The following STAC variants were observed in gnomAD, a reference collection of about 807,000 sequenced individuals.
STAC encodes the protein SH3 and cysteine rich domain.
In STAC, 43 loss-of-function variants were observed where a neutral mutation model predicts 48.8. The ratio of observed to expected loss-of-function variants is 0.88; its 90% CI spans 0.69 to 1.14. STAC has a LOEUF of 1.14. Among genes scored for constraint, STAC ranks in the 50% most tolerant of loss-of-function variants. The pLI is 0.00. For synonymous variants in STAC, 193 were observed against 179.5 expected (o/e 1.07, Z -0.60); for missense variants, 497 against 504.0 (o/e 0.99, Z 0.13).
intron 1 of STAC, among the ~76,000 whole-genome samples, chr3:36,397,286 C>T (rs1436431445): frequency 1.3e-5 from 2 of 152,134 alleles, no homozygotes; most frequent in East Asian, 1.9e-4. Context: ...CTGGTACTGA[C>T]TTATTTAATT....
At chr3:36,453,466 G>C (rs951095148) in intron 2 of STAC, among the ~76,000 whole-genome samples, 4 of 152,210 alleles carry the variant, frequency 2.6e-5, no homozygotes, top group Non-Finnish European at 5.9e-5. Context: ...CCGGCCCCGG[G>C]CAGTGAGGGT....
intron 1 of STAC, among the ~76,000 whole-genome samples, chr3:36,381,810 C>T (rs1339994998): frequency 2.0e-5 from 3 of 152,194 alleles, no homozygotes. Flanking sequence ...GTACATTTCC[C>T]AGCCCCCTGA....
chr3:36,389,051 A>C (rs1445827208), intron 1 of STAC, among the ~76,000 whole-genome samples: 1 of 152,178 alleles, frequency 6.6e-6, no homozygotes, highest in African/African-American at 2.4e-5. Flanking sequence ...AAATCTTTAC[A>C]ATTATGAGAT....
intron 10 of STAC, among the ~76,000 whole-genome samples, chr3:36,541,649 T>C (rs1699329716): frequency 6.6e-6 from 1 of 152,212 alleles, no homozygotes; most frequent in African/African-American, 2.4e-5. Context: ...GTCTAGGCTC[T>C]GGAGAATGAG....
intron 1 of STAC, among the ~76,000 whole-genome samples, chr3:36,420,753 TTAC>T (rs1174946401): frequency 2.6e-5 from 4 of 152,350 alleles, no homozygotes; most frequent in Admixed American, 6.5e-5. Context: ...TTGTGTTTTG[TTAC>T]TACAATTTTT....
At chr3:36,490,885 T>C (rs1250381740) in intron 5 of STAC, among the ~76,000 whole-genome samples, 1 of 152,206 alleles carries the variant, frequency 6.6e-6, no homozygotes, top group Non-Finnish European at 1.5e-5. Context: ...TTTCTGAATG[T>C]CAAAGGGATG....
intron 6 of STAC, among the ~76,000 whole-genome samples, chr3:36,494,151 C>CAAAA (rs751587518): frequency 5.6e-3 from 305 of 54,360 alleles, no homozygotes; most frequent in Non-Finnish European, 7.1e-3. Context: ...GACTCCGTCT[C>CAAAA]AAAAAAAAAA....
chr3:36,501,037 A>T (rs1294413105), intron 6 of STAC, among the ~76,000 whole-genome samples: 1 of 152,212 alleles, frequency 6.6e-6, no homozygotes. Context: ...GGCTGCAGTG[A>T]GCTATAATTG....
At chr3:36,500,333 A>C (rs2125710828) in intron 6 of STAC, among the ~76,000 whole-genome samples, 1 of 152,330 alleles carries the variant, frequency 6.6e-6, no homozygotes, top group Admixed American at 6.5e-5. Context: ...TCCTAAACAA[A>C]CCAATGCAGA....
At chr3:36,461,816 G>A (rs1697025176) in intron 2 of STAC, among the ~76,000 whole-genome samples, 2 of 152,276 alleles carry the variant, frequency 1.3e-5, no homozygotes, top group South Asian at 4.1e-4. Flanking sequence ...GCCAGTGTGG[G>A]TCTAAAACAG....
intron 1 of STAC, among the ~76,000 whole-genome samples, chr3:36,385,520 A>T (rs1182286345): frequency 6.6e-6 from 1 of 152,020 alleles, no homozygotes; most frequent in African/African-American, 2.4e-5. Flanking sequence ...TCAAAGTACA[A>T]CATCATCCCC....
intron 1 of STAC, chr3:36,409,589 C>T (rs1014393319): frequency 6.6e-6 from 1 of 152,168 alleles, no homozygotes; most frequent in South Asian, 2.1e-4. Context: ...GTTTAGTTGG[C>T]CTGTAGTGCT....
chr3:36,470,159 A>C (rs1030794796), intron 2 of STAC, among the ~76,000 whole-genome samples: 1 of 152,304 alleles, frequency 6.6e-6, no homozygotes, highest in Non-Finnish European at 1.5e-5. Context: ...TCATATTACC[A>C]GAATTGTTTT....
intron 1 of STAC, among the ~76,000 whole-genome samples, chr3:36,387,342 C>T (rs1027712481): frequency 6.6e-6 from 1 of 151,866 alleles, no homozygotes; most frequent in Non-Finnish European, 1.5e-5. Context: ...GTAAAGTTTA[C>T]CATTTTAACC....
At chr3:36,434,924 C>A (rs1700793534) in intron 1 of STAC, among the ~76,000 whole-genome samples, 1 of 152,136 alleles carries the variant, frequency 6.6e-6, no homozygotes, top group Admixed American at 6.5e-5. Flanking sequence ...CACCAGAAAA[C>A]AAAACACACT....
chr3:36,415,139 C>T (rs897474359), intron 1 of STAC, among the ~76,000 whole-genome samples: 3 of 152,228 alleles, frequency 2.0e-5, no homozygotes, highest in Non-Finnish European at 1.5e-5. Context: ...AGGAGGCAGT[C>T]TGTCGGTTCT....
chr3:36,515,283 T>C (rs1327029837), intron 8 of STAC, among the ~76,000 whole-genome samples: 2 of 152,112 alleles, frequency 1.3e-5, no homozygotes, highest in African/African-American at 2.4e-5. Context: ...ACTGAAGCTC[T>C]CACAGCTGAG....
In STAC at chr3:36,485,056, T is replaced by C. The variant is rs769350072; in HGVS notation, c.569T>C (p.Ile190Thr). 2.5e-6 allele frequency: 4 copies of C among 1,602,170 alleles called. No individual in the cohort carries two copies. In the Admixed American group the frequency reaches 5.2e-5, roughly 21 times the overall value. The change falls in exon 4 of 11, where the codon ATT (isoleucine) becomes ACT (threonine). Residue 190 changes from isoleucine to threonine, a missense_variant and splice_region_variant. Coordinates refer to ENST00000273183, the MANE Select transcript of STAC (RefSeq NM_003149.3). ...GGCTGCATTAAAGAAGTTATGCCCA[T>C]TGGTGAGTTGGGACATTGATGGGTT... ...QFGCIKEVMP[I>T]ACGNKVDPVY...
At chr3:36,447,225 C>T (rs1696531658) in intron 2 of STAC, among the ~76,000 whole-genome samples, 1 of 152,090 alleles carries the variant, frequency 6.6e-6, no homozygotes, top group Non-Finnish European at 1.5e-5. Flanking sequence ...GTGCAGCATT[C>T]CAGGCAAGGA....
Sources: gnomAD v4.1 joint callset for allele counts (sites outside exome capture counted in the v4.1 genomes callset) on GRCh38, gnomAD v4.1.1 for gene constraint, MANE v1.5 for transcripts, NCBI Gene and HGNC (gene_info 2026-07-23, HGNC 2026-07-21) for gene names.